TMEFF2: variants seen among roughly 807,000 people sequenced by gnomAD.
TMEFF2 encodes the protein transmembrane protein with EGF like and two follistatin like domains 2, also known as tomoregulin-2.
TMEFF2 carries 28 observed loss-of-function variants against 53.8 expected under a neutral mutation model. The ratio of observed to expected loss-of-function variants is 0.52; its 90% CI spans 0.39 to 0.71. The LOEUF is 0.71. TMEFF2 is among the 30% of genes least tolerant of loss of function. The pLI, the probability that TMEFF2 is intolerant of heterozygous loss-of-function variation, is 0.00. For synonymous variants in TMEFF2, 162 were observed against 166.3 expected, an observed-to-expected ratio of 0.97 and a Z score of 0.20; for missense variants, 353 against 455.2, an observed-to-expected ratio of 0.78 and a Z score of 2.04.
At chr2:192,179,213 C>A (rs1691125074) in intron 4 of TMEFF2, 1 of 153,266 alleles carries the variant, frequency 6.5e-6, no homozygotes, top group African/African-American at 2.4e-5. Flanking sequence ...CCTTCAGTTT[C>A]AAATTATAAA....
chr2:191,987,013 T>G (rs974880455), intron 7 of TMEFF2, among the ~76,000 whole-genome samples: 3 of 152,100 alleles, frequency 2.0e-5, no homozygotes, highest in Non-Finnish European at 4.4e-5. Context: ...CCTCCTAACT[T>G]CTAGACCTCA....
chr2:192,115,132 C>T (rs1345574720), intron 4 of TMEFF2, among the ~76,000 whole-genome samples: 2 of 151,742 alleles, frequency 1.3e-5, no homozygotes, highest in African/African-American at 2.4e-5. Context: ...GCTAAAGCAA[C>T]CTTGAGTAAG....
chr2:192,191,262 T>G (rs189987610), intron 2 of TMEFF2, among the ~76,000 whole-genome samples: 1 of 152,288 alleles, frequency 6.6e-6, no homozygotes, highest in East Asian at 1.9e-4. Context: ...AAAAAGTACA[T>G]TTCCTGATGT....
intron 5 of TMEFF2, among the ~76,000 whole-genome samples, chr2:192,030,001 G>A (rs1687087983): frequency 6.6e-6 from 1 of 152,150 alleles, no homozygotes; most frequent in South Asian, 2.1e-4. Context: ...GTGTAAGAAT[G>A]AGAATAAAAA....
intron 5 of TMEFF2, among the ~76,000 whole-genome samples, chr2:192,049,500 G>A (rs553935242): frequency 1.5e-3 from 224 of 152,246 alleles, no homozygotes; most frequent in African/African-American, 4.5e-3. Flanking sequence ...TTGAGACTGG[G>A]ATGTTACACT....
intron 2 of TMEFF2, 115 bp from the exon 3 acceptor site, chr2:192,184,598 T>C: frequency 7.5e-7 from 1 of 1,324,640 alleles, no homozygotes; most frequent in East Asian, 2.5e-5. Flanking sequence ...TTTCAATGAT[T>C]CTAATTGTGT....
Position 191,979,861 on chromosome 2 carries a change from T to G in TMEFF2, c.745+18401A>C, listed in dbSNP as rs1262762142. Among the ~76,000 whole-genome samples the G allele has an allele frequency of 2.0e-5, 3 of 151,976 alleles. No individual in the cohort carries two copies. In the East Asian group the frequency reaches 5.8e-4, roughly 29 times the overall value. On this transcript the variant is annotated intron_variant, in intron 7 of 9. Coordinates refer to ENST00000272771, the MANE Select transcript of TMEFF2 (RefSeq NM_016192.4). ...ATATATCTCTATCTATCTATCGATCTATCTATCTATCTATATGTTTTAGCA... is the reference window on the plus strand; with the variant it reads ...ATATATCTCTATCTATCTATCGATCGATCTATCTATCTATATGTTTTAGCA...
At chr2:192,131,790 G>A (rs1003433224) in intron 4 of TMEFF2, among the ~76,000 whole-genome samples, 18 of 152,090 alleles carry the variant, frequency 1.2e-4, no homozygotes, top group Admixed American at 6.5e-5. Context: ...AAATCAAAGC[G>A]TCTTATTTTC....
At position 192,194,610 on chromosome 2, in the gene TMEFF2, C is replaced by G; in HGVS notation, c.-86G>C. On this transcript the variant is annotated 5_prime_UTR_variant, in exon 1 of 10. Transcript: ENST00000272771. The surrounding 1 kb of genome is among the most constrained non-coding windows in gnomAD (Gnocchi z 4.2). ...CCGGGCAGCGGGCTACTGAGCATCC[C>G]GCGGACGGCGGCAGCAGAGGCGGCG... 6.7e-7 allele frequency: 1 copy of G among 1,501,628 alleles called. No individual in the cohort carries two copies. The highest frequency in any genetic ancestry group is 9.0e-7 in the Non-Finnish European group (1 of 1,106,684). 93.0% of individuals were successfully genotyped at this position (1,501,628 alleles called of 1,614,324 possible).
chr2:192,173,103 G>A (rs1412601970), intron 4 of TMEFF2, among the ~76,000 whole-genome samples: 2 of 151,740 alleles, frequency 1.3e-5, no homozygotes. Flanking sequence ...AGTTAACAAT[G>A]ACTTATTGTA....
intron 7 of TMEFF2, among the ~76,000 whole-genome samples, chr2:191,964,398 CTCTT>C (rs58502767): frequency 0.01 from 535 of 51,698 alleles, 20 homozygotes; most frequent in African/African-American, 0.036. Flanking sequence ...TTCTTTCTTT[CTCTT>C]TCTTTCTTTC....
At chr2:192,081,237 T>C (rs1456547882) in intron 4 of TMEFF2, among the ~76,000 whole-genome samples, 1 of 152,252 alleles carries the variant, frequency 6.6e-6, no homozygotes, top group Non-Finnish European at 1.5e-5. Context: ...GTGTGCTTTG[T>C]AATTTAGTCT....
chr2:192,163,127 C>G (rs1403627599), intron 4 of TMEFF2, among the ~76,000 whole-genome samples: 3 of 152,142 alleles, frequency 2.0e-5, no homozygotes, highest in African/African-American at 7.2e-5. Flanking sequence ...GCTCTGTGAA[C>G]TGGGAAACTG....
At chr2:192,167,600 C>G (rs115818513) in intron 4 of TMEFF2, among the ~76,000 whole-genome samples, 2,199 of 151,930 alleles carry the variant, frequency 0.014, 53 homozygotes, top group African/African-American at 0.049. Flanking sequence ...GTTCTTTTAC[C>G]TTCTTTTTCC....
intron 5 of TMEFF2, among the ~76,000 whole-genome samples, chr2:192,052,362 C>T (rs186054429): frequency 5.1e-4 from 77 of 152,256 alleles, no homozygotes; most frequent in African/African-American, 1.8e-3. Context: ...TATCAACCCC[C>T]GGGCTCTGAA....
At position 191,956,124 on chromosome 2, in the gene TMEFF2, G is replaced by A. The variant is rs1692083897; in HGVS notation, c.869+131C>T. 6.6e-6 allele frequency: 6 copies of A among 910,408 alleles called. No individual in the cohort carries two copies. In the South Asian group the frequency reaches 8.9e-5, roughly 13 times the overall value. The allele number at this position is 910,408 out of a possible 1,614,324, so 56.4% of individuals were successfully genotyped here. A position where few individuals can be genotyped will look rare whatever the true frequency, so the allele number is the denominator to read the frequency against. The stretch of plus-strand genomic sequence containing the variant: ...TGTATGTGTGTATGCATGCACAGGA[G>A]GAGCAGAGAAAAGTTTTGTTGCTGA... On this transcript the variant is annotated intron_variant, in intron 8 of 9. Coordinates refer to ENST00000272771, the MANE Select transcript of TMEFF2 (RefSeq NM_016192.4).
chr2:192,026,089 A>G (rs1418741045), intron 5 of TMEFF2, among the ~76,000 whole-genome samples: 2 of 152,044 alleles, frequency 1.3e-5, no homozygotes, highest in Non-Finnish European at 2.9e-5. Flanking sequence ...GCCCCTCCCC[A>G]CCCTAAGCCC....
At chr2:192,036,140 G>A (rs1204191102) in intron 5 of TMEFF2, 1 of 151,980 alleles carries the variant, frequency 6.6e-6, no homozygotes, top group Non-Finnish European at 1.5e-5. Flanking sequence ...AGTTACTCAA[G>A]ACCTAAGTGT....
At chr2:192,099,228 G>A (rs1688981422) in intron 4 of TMEFF2, among the ~76,000 whole-genome samples, 1 of 152,018 alleles carries the variant, frequency 6.6e-6, no homozygotes, top group Admixed American at 6.6e-5. Context: ...TTCTCACATA[G>A]AAATAGGAAC....
Sources: gnomAD v4.1 joint callset for allele counts (sites outside exome capture counted in the v4.1 genomes callset) on GRCh38, gnomAD v4.1.1 for gene constraint, Gnocchi (gnomAD v3.1) non-coding constraint, MANE v1.5 for transcripts, NCBI Gene and HGNC (gene_info 2026-07-23, HGNC 2026-07-21) for gene names.